NAA35: variants seen among roughly 807,000 people sequenced by gnomAD.
The protein encoded by NAA35 is MAK10 homolog, amino-acid N-acetyltransferase subunit.
Under a neutral mutation model 101.7 loss-of-function variants are expected in NAA35, and 18 were observed. The observed-to-expected ratio is 0.18, with a 90% CI of 0.12 to 0.26. The LOEUF (loss-of-function observed/expected upper bound fraction) is 0.26, where lower values mean the gene tolerates loss of function less well. NAA35 is among the 10% of genes least tolerant of loss of function. The pLI is 1.00. For synonymous variants in NAA35, 267 were observed against 273.1 expected (o/e 0.98, Z 0.22); for missense variants, 601 against 886.8 (o/e 0.68, Z 4.09).
At chr9:85,992,660 T>G (rs913916474) in intron 11 of NAA35, among the ~76,000 whole-genome samples, 2 of 152,204 alleles carry the variant, frequency 1.3e-5, no homozygotes, top group African/African-American at 4.8e-5. Flanking sequence ...TCTGTTAGTC[T>G]TCAAAGATGT....
chr9:85,951,852 G>A (rs1829032225), intron 2 of NAA35, among the ~76,000 whole-genome samples: 2 of 152,128 alleles, frequency 1.3e-5, no homozygotes, highest in South Asian at 4.1e-4. Context: ...TAGAGACGGG[G>A]TTTCGCCATG....
Position 85,962,041 on chromosome 9 carries a change from C to A in NAA35, c.377C>A (p.Ala126Glu). The change falls in exon 6 of 23, where the codon GCA becomes GAA. Residue 126 changes from alanine to glutamate, a missense_variant. Ala to Glu is a moderately radical substitution (Grantham distance 107, BLOSUM62 -1). Around this residue, in one of 8 missense-constraint regions of NAA35, gnomAD observed 86 missense variants for 169.4 expected, o/e 0.51. Transcript: ENST00000361671. ...ACGTGGTTAGAAGGCCATTCACTGG[C>A]ACAGACAGTATTTACGTGCCTTTAC... ...LITWLEGHSL[A>E]QTVFTCLYIH... 1 of 1,612,660 alleles carries A rather than the reference C, an allele frequency of 6.2e-7. No individual in the cohort carries two copies. Among genetic ancestry groups the A allele is most frequent in the Non-Finnish European group, 8.5e-7 (1 of 1,179,552 alleles).
chr9:85,972,910 A>G (rs1455822699), intron 6 of NAA35, among the ~76,000 whole-genome samples: 5 of 152,230 alleles, frequency 3.3e-5, no homozygotes, highest in Non-Finnish European at 7.3e-5. Flanking sequence ...CAGATAGTCA[A>G]TGTATATGTA....
chr9:85,979,585 T>TA, intron 11 of NAA35, among the ~76,000 whole-genome samples: 1 of 152,360 alleles, frequency 6.6e-6, no homozygotes, highest in South Asian at 2.1e-4. Flanking sequence ...TAAGAGAAGT[T>TA]ACTATTTATT....
In NAA35 at chr9:85,977,500, TC is replaced by T. The variant is rs1830265524; in HGVS notation, c.762+56del. On this transcript the variant is annotated intron_variant, in intron 10 of 22. Transcript: ENST00000361671. ...TTGTTTTAGTGATTTTGGCTGGAAT[TC>T]CTGAGTGAAGCAGTTCTGAAACTTC... 5 of 1,291,756 alleles carry T rather than the reference TC, an allele frequency of 3.9e-6. No homozygotes were observed. In the African/African-American group the frequency reaches 4.4e-5, roughly 11 times the overall value. 80.0% of individuals were successfully genotyped at this position (1,291,756 alleles called of 1,614,324 possible). A position where few individuals can be genotyped will look rare whatever the true frequency, so the allele number is the denominator to read the frequency against.
chr9:86,007,658 A>G (rs1157994634), intron 14 of NAA35, among the ~76,000 whole-genome samples, 194 bp downstream of exon 14: 1 of 152,174 alleles, frequency 6.6e-6, no homozygotes, highest in African/African-American at 2.4e-5. Context: ...GAGGTTGACA[A>G]AATTTCTGAT....
intron 2 of NAA35, 65 bp downstream of exon 2, chr9:85,942,348 T>C (rs1828559739): frequency 6.4e-7 from 1 of 1,571,370 alleles, no homozygotes; most frequent in Non-Finnish European, 8.6e-7. Flanking sequence ...TTGTGCTTTC[T>C]AAACTTACCT....
intron 15 of NAA35, among the ~76,000 whole-genome samples, chr9:86,010,544 C>CT (rs1297484824): frequency 7.0e-6 from 1 of 142,578 alleles, no homozygotes; most frequent in Non-Finnish European, 1.5e-5. Flanking sequence ...GACATAAAAA[C>CT]TTTACTTTTT....
At chr9:85,955,110 T>A (rs1829182687) in intron 2 of NAA35, among the ~76,000 whole-genome samples, 1 of 150,900 alleles carries the variant, frequency 6.6e-6, no homozygotes, top group South Asian at 2.1e-4. Flanking sequence ...AGAGATGGGG[T>A]TTCACTGTGT....
intron 8 of NAA35, 114 bp downstream of exon 8, chr9:85,975,271 T>C: frequency 1.8e-6 from 2 of 1,085,294 alleles, no homozygotes; most frequent in Non-Finnish European, 1.3e-6. Context: ...CTTTGTATTT[T>C]TTTTTTGTAA....
Position 85,962,018 on chromosome 9 carries a change from G to A in NAA35, c.354G>A (p.Thr118=), listed in dbSNP as rs200734906. The A allele has an allele frequency of 2.9e-5, 47 of 1,601,496 alleles. No homozygotes were observed. Among genetic ancestry groups the A allele is most frequent in the Non-Finnish European group, 3.6e-5 (42 of 1,176,248 alleles). Residue 118 remains threonine, a synonymous_variant, in exon 6 of 23, where the codon ACG becomes ACA. Transcript: ENST00000361671. ...IMDTCFCCLI[T]WLEGHSLAQT... Reference sequence around the variant, plus strand: ...ACTCTTTTGTTTCTTTATAGATAACGTGGTTAGAAGGCCATTCACTGGCAC... The same window carrying A: ...ACTCTTTTGTTTCTTTATAGATAACATGGTTAGAAGGCCATTCACTGGCAC...
chr9:85,949,443 T>C lies in NAA35; in HGVS notation c.125-6917T>C, dbSNP rs375808670. Among the ~76,000 whole-genome samples the C allele has an allele frequency of 5.7e-4, 87 of 151,988 alleles. 1 individual carries two copies. In the South Asian group the frequency reaches 0.017, roughly 30 times the overall value. On this transcript the variant is annotated intron_variant, in intron 2 of 22. Transcript: ENST00000361671. ...CCGAGTAGCTGGGACTACAGGTGCC[T>C]GCCACCATGCCCGGCTAATTTTTGT...
At chr9:85,988,970 G>A (rs1470516479) in intron 11 of NAA35, among the ~76,000 whole-genome samples, 1 of 152,178 alleles carries the variant, frequency 6.6e-6, no homozygotes, top group East Asian at 1.9e-4. Context: ...AAAAATGTTA[G>A]ACATTTCTAG....
At position 85,977,453 on chromosome 9, in the gene NAA35, G is replaced by A. The variant is rs1352465434; in HGVS notation, c.762+7G>A. 2 of 1,580,942 alleles carry A rather than the reference G, an allele frequency of 1.3e-6. No individual in the cohort carries two copies. Among genetic ancestry groups the A allele is most frequent in the African/African-American group, 1.3e-5 (1 of 74,282 alleles). On this transcript the variant is annotated splice_region_variant and intron_variant, in intron 10 of 22. Transcript: ENST00000361671. ...AGCCTTTACTAAGAAAGAGGTAAGGGCATTCAATATAATATGTCTATTTGT... is the reference window on the plus strand; with the variant it reads ...AGCCTTTACTAAGAAAGAGGTAAGGACATTCAATATAATATGTCTATTTGT...
At chr9:85,994,736 C>G (rs1024791311) in intron 11 of NAA35, among the ~76,000 whole-genome samples, 2 of 151,768 alleles carry the variant, frequency 1.3e-5, no homozygotes, top group Non-Finnish European at 2.9e-5. Context: ...ATCTTTTATC[C>G]GGGGGGAAGG....
intron 19 of NAA35, among the ~76,000 whole-genome samples, 183 bp downstream of exon 19, chr9:86,017,748 G>C (rs182560231): frequency 2.6e-4 from 40 of 152,118 alleles, no homozygotes; most frequent in Non-Finnish European, 4.9e-4. Flanking sequence ...CCTTGCTTAT[G>C]TGTGAGACAC....
chr9:86,007,967 A>G (rs1251180392), intron 14 of NAA35, among the ~76,000 whole-genome samples: 1 of 152,220 alleles, frequency 6.6e-6, no homozygotes, highest in Non-Finnish European at 1.5e-5. Flanking sequence ...GGTAGATCTA[A>G]TTAATTATAT....
rs1438421340 is a variant in NAA35 at position 86,018,237 on chromosome 9, A to T, written c.1774-18A>T. 3 of 1,593,976 alleles carry T rather than the reference A, an allele frequency of 1.9e-6. No homozygotes were observed. The highest frequency in any genetic ancestry group is 1.1e-5 in the South Asian group (1 of 89,372). ...TCATATTGATTTCATCTTTTTTCTT[A>T]TTCCCTTTTTCATTTAGACCATGGT... On this transcript the variant is annotated intron_variant, in intron 19 of 22. Coordinates refer to ENST00000361671, the MANE Select transcript of NAA35 (RefSeq NM_024635.4).
chr9:86,002,757 T>A (rs958431049), intron 12 of NAA35, among the ~76,000 whole-genome samples: 1 of 152,138 alleles, frequency 6.6e-6, no homozygotes, highest in South Asian at 2.1e-4. Flanking sequence ...CCTGTATCAC[T>A]TTATTATTAT....
Sources: allele counts gnomAD v4.1 joint callset (sites outside exome capture counted in the v4.1 genomes callset), GRCh38; gene constraint gnomAD v4.1.1; regional missense constraint gnomAD v4.1.1; transcripts MANE v1.5; gene names NCBI Gene and HGNC (gene_info 2026-07-23, HGNC 2026-07-21).